The following KIAA2012 variants were observed in gnomAD, a reference collection of about 807,000 sequenced individuals.
The protein encoded by KIAA2012 is KIAA2012, also known as uncharacterized protein KIAA2012.
A neutral mutation model predicts 150.6 loss-of-function variants in KIAA2012; 125 were observed. That is an observed-to-expected ratio of 0.83 (90% CI 0.72 to 0.96). The LOEUF is 0.96. Ranked by LOEUF, KIAA2012 falls within the 40% of genes least tolerant of loss-of-function variation. The pLI is 0.00. For synonymous variants in KIAA2012, 462 were observed against 504.7 expected, an observed-to-expected ratio of 0.92 and a Z score of 1.13; for missense variants, 1,219 against 1,354.9, an observed-to-expected ratio of 0.90 and a Z score of 1.57.
At chr2:202,132,619 A>G (rs1482181058) in intron 12 of KIAA2012, among the ~76,000 whole-genome samples, 1 of 150,780 alleles carries the variant, frequency 6.6e-6, no homozygotes, top group East Asian at 1.9e-4. Flanking sequence ...GGTCGTAGTG[A>G]GCCAAGGTTG....
intron 3 of KIAA2012, among the ~76,000 whole-genome samples, chr2:202,092,125 G>A (rs1388777890): frequency 1.3e-5 from 2 of 152,154 alleles, no homozygotes; most frequent in Non-Finnish European, 2.9e-5. Context: ...AAAAAAGGTC[G>A]AGTCCTCCAT....
intron 13 of KIAA2012, among the ~76,000 whole-genome samples, chr2:202,150,310 T>C (rs1473205413): frequency 6.6e-6 from 1 of 152,216 alleles, no homozygotes; most frequent in East Asian, 1.9e-4. Context: ...TAGCAGAACA[T>C]AAAAATATTA....
Position 202,073,563 on chromosome 2 carries a change from T to C in KIAA2012, c.-65T>C. 7.2e-7 allele frequency: 1 copy of C among 1,392,230 alleles called. No individual in the cohort carries two copies. The highest frequency in any genetic ancestry group is 2.0e-5 in the Admixed American group (1 of 49,742). 86.2% of individuals were successfully genotyped at this position (1,392,230 alleles called of 1,614,324 possible). On this transcript the variant is annotated 5_prime_UTR_variant, in exon 1 of 24. Coordinates refer to ENST00000498697, the MANE Select transcript of KIAA2012 (RefSeq NM_001277372.4). ...TGTGAGCTCTGGAAATCTTGAGGTG[T>C]GACCAGATTTCAGCCTTCAAAACCA... is the stretch of plus-strand genomic sequence containing the variant.
chr2:202,080,162 A>C (rs1689413792), intron 2 of KIAA2012, among the ~76,000 whole-genome samples: 1 of 152,222 alleles, frequency 6.6e-6, no homozygotes, highest in Admixed American at 6.5e-5. Flanking sequence ...CCAGAGAAAA[A>C]GAAGCATCTC....
At chr2:202,106,403 C>T (rs1420146465) in intron 9 of KIAA2012, among the ~76,000 whole-genome samples, 1 of 152,120 alleles carries the variant, frequency 6.6e-6, no homozygotes, top group Non-Finnish European at 1.5e-5. Context: ...TCCATAATAT[C>T]GGCGGGGTGC....
rs996572865 is a variant in KIAA2012 at position 202,113,451 on chromosome 2, G to A, written c.1762+5G>A. The A allele has an allele frequency of 2.0e-6, 3 of 1,535,438 alleles. No individual in the cohort carries two copies. The African/African-American group carries it at 4.2e-5, about 21-fold the overall frequency. ...AGGCGCTTCCATCGGGTAAAGGTAAGCTAACACATTCCAGGGCAGCCTTGT... is the reference window on the plus strand; with the variant it reads ...AGGCGCTTCCATCGGGTAAAGGTAAACTAACACATTCCAGGGCAGCCTTGT... On this transcript the variant is annotated splice_donor_5th_base_variant and intron_variant, in intron 11 of 23. Coordinates refer to ENST00000498697, the MANE Select transcript of KIAA2012 (RefSeq NM_001277372.4).
In KIAA2012 at chr2:202,135,449, G is replaced by A. The variant is rs191685201; in HGVS notation, c.1832-2983G>A. Among the ~76,000 whole-genome samples, 310 of 152,288 alleles carry A rather than the reference G, an allele frequency of 2.0e-3. 3 individuals are homozygous for A. The highest frequency in any genetic ancestry group is 2.4e-3 in the Non-Finnish European group (164 of 68,022). On this transcript the variant is annotated intron_variant, in intron 12 of 23. Coordinates refer to ENST00000498697, the MANE Select transcript of KIAA2012 (RefSeq NM_001277372.4). ...ACAGTTTCTTTGACTTGATCTTGCC[G>A]CATCGTTCTGAAAGGAGGTTTTACC...
intron 22 of KIAA2012, among the ~76,000 whole-genome samples, chr2:202,198,662 C>T (rs1306094840): frequency 2.0e-5 from 3 of 152,156 alleles, no homozygotes; most frequent in East Asian, 1.9e-4. Context: ...ATGAACTTCC[C>T]TTCCTTAGTG....
At chr2:202,101,522 C>T (rs1690044203) in intron 7 of KIAA2012, among the ~76,000 whole-genome samples, 1 of 152,202 alleles carries the variant, frequency 6.6e-6, no homozygotes, top group African/African-American at 2.4e-5. Context: ...CTTCCCTCAA[C>T]CCATGTATAT....
chr2:202,146,764 A>G (rs1375582823), intron 13 of KIAA2012, among the ~76,000 whole-genome samples: 7 of 152,074 alleles, frequency 4.6e-5, no homozygotes, highest in Admixed American at 4.6e-4. Context: ...ATACGACCGC[A>G]CTCCAGTCTG....
intron 15 of KIAA2012, among the ~76,000 whole-genome samples, chr2:202,166,516 G>A (rs973048268): frequency 2.6e-5 from 4 of 152,024 alleles, no homozygotes; most frequent in African/African-American, 9.7e-5. Context: ...TGCTGGGCAT[G>A]GTAGCACATG....
chr2:202,178,430 A>G (rs1490230952), intron 15 of KIAA2012, among the ~76,000 whole-genome samples: 1 of 152,090 alleles, frequency 6.6e-6, no homozygotes, highest in African/African-American at 2.4e-5. Context: ...GAAAAAAAAA[A>G]TCACCCTTCT....
chr2:202,093,355 A>G (rs1346061871), intron 4 of KIAA2012, among the ~76,000 whole-genome samples, 170 bp downstream of exon 4: 1 of 152,220 alleles, frequency 6.6e-6, no homozygotes, highest in Non-Finnish European at 1.5e-5. Context: ...AGTGCTTTTC[A>G]CAGTGATGGA....
Position 202,114,461 on chromosome 2 carries a change from G to A in KIAA2012, c.1762+1015G>A, listed in dbSNP as rs546916882. The A allele has an allele frequency of 4.8e-5, 8 of 167,264 alleles. No homozygotes were observed. In the South Asian group the frequency reaches 1.5e-3, roughly 30 times the overall value. The allele number at this position is 167,264 out of a possible 1,614,324, so 10.4% of individuals were successfully genotyped here. On this transcript the variant is annotated intron_variant, in intron 11 of 23. Transcript: ENST00000498697. ...ATTGGTGGAAGCAGGAGTTAGACAG[G>A]TGGAGGCCACTGTCAGCATGACACA...
chr2:202,092,034 G>A (rs143790591), intron 3 of KIAA2012, among the ~76,000 whole-genome samples: 1 of 152,280 alleles, frequency 6.6e-6, no homozygotes, highest in African/African-American at 2.4e-5. Context: ...GTTTCTCATT[G>A]AGTGGGGCAG....
chr2:202,174,845 G>A (rs1691959930), intron 15 of KIAA2012, among the ~76,000 whole-genome samples: 1 of 151,982 alleles, frequency 6.6e-6, no homozygotes, highest in Non-Finnish European at 1.5e-5. Flanking sequence ...TGTGCACAAT[G>A]TGCAGGTTAG....
At chr2:202,106,137 A>G in intron 9 of KIAA2012, 2 of 1,240,814 alleles carry the variant, frequency 1.6e-6, no homozygotes, top group Non-Finnish European at 2.2e-6. Context: ...AACTCATCCC[A>G]CTGCTAATAT....
chr2:202,103,223 C>A, intron 8 of KIAA2012, 109 bp downstream of exon 8: 1 of 1,016,144 alleles, frequency 9.8e-7, no homozygotes, highest in Non-Finnish European at 1.4e-6. Context: ...TCATCCCCTT[C>A]AGAGAATATT....
At chr2:202,074,753 AT>A (rs1255232434) in intron 1 of KIAA2012, 137 bp from the exon 2 acceptor site, 1 of 856,114 alleles carries the variant, frequency 1.2e-6, no homozygotes, top group Non-Finnish European at 1.8e-6. Flanking sequence ...AAGAAGAGCA[AT>A]TGTGTTCCAT....
Sources: gnomAD v4.1 joint callset for allele counts (sites outside exome capture counted in the v4.1 genomes callset) on GRCh38, gnomAD v4.1.1 for gene constraint, MANE v1.5 for transcripts, NCBI Gene and HGNC (gene_info 2026-07-23, HGNC 2026-07-21) for gene names.